ARHGAP4: variants seen among roughly 807,000 people sequenced by gnomAD.
ARHGAP4 encodes the protein Rho GTPase activating protein 4, also known as rho GTPase-activating protein 4.
In ARHGAP4, 25 loss-of-function variants were observed where a neutral mutation model predicts 67.6. That is an observed-to-expected ratio of 0.37 (90% CI 0.27 to 0.52). The LOEUF (loss-of-function observed/expected upper bound fraction) is 0.52, where lower values mean the gene tolerates loss of function less well. Ranked by LOEUF, ARHGAP4 falls within the 20% of genes least tolerant of loss-of-function variation. The pLI, the probability that ARHGAP4 is intolerant of heterozygous loss-of-function variation, is 0.92. For missense variants in ARHGAP4, 804 were observed against 854.6 expected (o/e 0.94, Z 0.74); for synonymous variants, 448 against 373.7 (o/e 1.20, Z -2.29).
chrX:153,911,252 CTTTTTTTT>C, intron 12 of ARHGAP4, 63 bp from the exon 13 acceptor site: 36 of 423,680 alleles, frequency 8.5e-5, no homozygotes, highest in East Asian at 2.1e-4. Flanking sequence ...CATTCAATTG[CTTTTTTTT>C]TTTTTTTTTT....
rs1557105438 is a variant in ARHGAP4, at chrX:153,921,813, T to TG, written c.68-5dup. The TG allele has an allele frequency of 2.8e-5, 33 of 1,181,275 alleles. No individual in the cohort carries two copies. The highest frequency in any genetic ancestry group is 3.4e-5 in the Non-Finnish European group (30 of 882,724). ...TCGCTCAGCTGCCAGCGCATCTCTG[T>TG]GGGGGGAACCATGGCTCAGGCCTGG... is the stretch of plus-strand genomic sequence containing the variant. On this transcript the variant is annotated splice_polypyrimidine_tract_variant and splice_region_variant and intron_variant, in intron 1 of 21. Transcript: ENST00000350060.
rs781940094 is a variant in ARHGAP4, at chrX:153,912,776, T to C, written c.1466A>G (p.Gln489Arg). ...SWTQYTQRKF[Q>R]KSRQPRPSSQ... Reference sequence around the variant, plus strand: ...GCTGGGGCGGGGCTGGCGGCTCTTCTGGAATTTTCTCTGTGTGTACTGGGT... The same window carrying C: ...GCTGGGGCGGGGCTGGCGGCTCTTCCGGAATTTTCTCTGTGTGTACTGGGT... Residue 489 changes from glutamine (Q) to arginine (R), a missense_variant, in exon 12 of 22, where the codon CAG becomes CGG. Gln to Arg is a conservative substitution (Grantham distance 43, BLOSUM62 1). Around this residue, in one of 2 missense-constraint regions of ARHGAP4, gnomAD observed 404 missense variants for 505.9 expected, o/e 0.80. Transcript: ENST00000350060. 6.6e-6 allele frequency: 8 copies of C among 1,209,683 alleles called. No individual in the cohort carries two copies. The highest frequency in any genetic ancestry group is 3.5e-5 in the African/African-American group (2 of 57,400).
intron 5 of ARHGAP4, chrX:153,919,781 A>ATT: frequency 6.4e-6 from 5 of 780,257 alleles, no homozygotes; most frequent in African/African-American, 2.3e-5. Context: ...CTGGCACTCT[A>ATT]TTTTTTTTTT....
rs200880463 is a variant in ARHGAP4 at position 153,909,742 on chromosome X, C to T, written c.2413G>A (p.Gly805Arg). ...IPHKYITLPA[G>R]TEKQVVGAGL... is the part of the protein sequence containing the mutation. ...GGCCTGAGGGCGCGGCTCACTCACC[C>T]GGCGGGCAGCGTGATATACTTGTGG... The change falls in exon 19 of 22, where the codon GGG becomes AGG. Residue 805 changes from glycine (G) to arginine (R), a missense_variant and splice_region_variant. This residue lies in a region of ARHGAP4 where 400 missense variants were observed against 348.7 expected (regional missense o/e 1.15). Coordinates refer to ENST00000350060, the MANE Select transcript of ARHGAP4 (RefSeq NM_001666.5). The T allele has an allele frequency of 9.3e-6, 11 of 1,183,466 alleles. No homozygotes were observed. The highest frequency in any genetic ancestry group is 2.7e-4 in the Middle Eastern group (1 of 3,685).
In ARHGAP4 at chrX:153,909,514, G is replaced by A. The variant is rs61749033; in HGVS notation, c.2436C>T (p.Gly812=). The A allele has an allele frequency of 9.5e-4, 1,145 of 1,207,733 alleles. 5 individuals are homozygous for A. The African/African-American group carries it at 0.016, about 17-fold the overall frequency. ...ACTCCCCTGCAGTCTGCAGCCCTGCGCCCACCACCTGCTTCTCCGTCCTGC... is the reference window on the plus strand; with the variant it reads ...ACTCCCCTGCAGTCTGCAGCCCTGCACCCACCACCTGCTTCTCCGTCCTGC... ...LPAGTEKQVV[G]AGLQTAGESG... The change falls in exon 20 of 22, where the codon GGC becomes GGT. Residue 812 remains glycine (G), a synonymous_variant. Transcript: ENST00000350060.
At chrX:153,926,097 C>T in intron 1 of ARHGAP4, 39 bp downstream of exon 1, 1 of 1,196,016 alleles carries the variant, frequency 8.4e-7, no homozygotes, top group Non-Finnish European at 1.1e-6. Context: ...CTTGGGTTCT[C>T]CGCAGGAAAC....
At chrX:153,914,150 C>T (rs1469389987) in intron 7 of ARHGAP4, 11 of 369,581 alleles carry the variant, frequency 3.0e-5, no homozygotes, top group East Asian at 1.8e-4. Flanking sequence ...GATTCAGCCA[C>T]GAGAAGGAAT....
At chrX:153,925,379 A>AT (rs1557105967) in intron 1 of ARHGAP4, among the ~76,000 whole-genome samples, 2 of 112,081 alleles carry the variant, frequency 1.8e-5, no homozygotes, top group Non-Finnish European at 3.8e-5. Context: ...TGTTTCCGTA[A>AT]TTGGTAAAAT....
Position 153,912,706 on chromosome X carries a change from A to T in ARHGAP4, c.1536T>A (p.Phe512Leu). The T allele has an allele frequency of 8.3e-7, 1 of 1,207,259 alleles. No individual in the cohort carries two copies. The highest frequency in any genetic ancestry group is 1.1e-6 in the Non-Finnish European group (1 of 892,202). ...QRLFGGDMEK[F>L]IQSSGQPVPL... ...TGTGGGGCAAAGCTAGTACCTGGATAAACTTCTCCATGTCTCCCCCAAAGA... is the reference window on the plus strand; with the variant it reads ...TGTGGGGCAAAGCTAGTACCTGGATTAACTTCTCCATGTCTCCCCCAAAGA... The change falls in exon 12 of 22, where the codon TTT becomes TTA. Residue 512 changes from phenylalanine (F) to leucine (L), a missense_variant. Phe to Leu is a conservative substitution (Grantham distance 22). Transcript: ENST00000350060.
Position 153,910,916 on chromosome X carries a change from C to T in ARHGAP4, c.1681+6G>A. 1 of 1,150,945 alleles carries T rather than the reference C, an allele frequency of 8.7e-7. No individual in the cohort carries two copies. Among genetic ancestry groups the T allele is most frequent in the Non-Finnish European group, 1.2e-6 (1 of 866,141 alleles). 94.9% of individuals were successfully genotyped at this position (1,150,945 alleles called of 1,213,427 possible). ...CCCCACCCCCGCCCGCCCTGCCCGT[C>T]CCCACCTCTCTCGAAGGCATCACGG... On this transcript the variant is annotated splice_donor_region_variant and intron_variant, in intron 14 of 21. Transcript: ENST00000350060.
At chrX:153,923,217 C>G (rs1405468797) in intron 1 of ARHGAP4, among the ~76,000 whole-genome samples, 2 of 110,734 alleles carry the variant, frequency 1.8e-5, no homozygotes, top group Non-Finnish European at 3.8e-5. Flanking sequence ...AGCTACTGTG[C>G]TAGTCCAGGC....
intron 7 of ARHGAP4, among the ~76,000 whole-genome samples, chrX:153,915,127 C>A (rs1480956410): frequency 9.1e-6 from 1 of 109,322 alleles, no homozygotes; most frequent in Non-Finnish European, 1.9e-5. Flanking sequence ...AGGAGCCAGT[C>A]ACAGAAAGGC....
chrX:153,918,895 C>T lies in ARHGAP4; in HGVS notation c.969G>A (p.Glu323=), dbSNP rs2148525168. 1 of 1,212,208 alleles carries T rather than the reference C, an allele frequency of 8.2e-7. No individual in the cohort carries two copies. The highest frequency in any genetic ancestry group is 3.0e-5 in the East Asian group (1 of 33,862). ...GGGGACAGAAGACGGTAGCATGCAC[C>T]TCGAGAACCTTGGCTTTGTCCCCTG... ...DPPGDKAKVL[E]VHATVFCPPL... Residue 323 remains glutamate, a synonymous_variant, in exon 7 of 22, where the codon GAG becomes GAA. Coordinates refer to ENST00000350060, the MANE Select transcript of ARHGAP4 (RefSeq NM_001666.5).
rs2065076836 is a variant in ARHGAP4, at chrX:153,919,376, T to A, written c.682-93A>T. 2.5e-6 allele frequency: 3 copies of A among 1,189,372 alleles called. No individual in the cohort carries two copies. The Admixed American group carries it at 6.6e-5, about 26-fold the overall frequency. On this transcript the variant is annotated intron_variant, in intron 5 of 21. Transcript: ENST00000350060. ...TAATGCCCATCGCCTCCCCTCCCAC[T>A]GTGGACAACTACACCTGAACTGGTC...
chrX:153,922,031 G>A, intron 1 of ARHGAP4: 1 of 933,093 alleles, frequency 1.1e-6, no homozygotes, highest in Non-Finnish European at 1.4e-6. Flanking sequence ...CCTCTGCGCT[G>A]AGGCCAACAG....
At chrX:153,916,854 G>C (rs782232495) in intron 7 of ARHGAP4, among the ~76,000 whole-genome samples, 2 of 112,394 alleles carry the variant, frequency 1.8e-5, no homozygotes, top group African/African-American at 6.5e-5. Flanking sequence ...GAGGCAAGCA[G>C]ATCACCTGAA....
intron 1 of ARHGAP4, among the ~76,000 whole-genome samples, chrX:153,924,494 A>G (rs996795258): frequency 8.9e-6 from 1 of 111,761 alleles, no homozygotes; most frequent in African/African-American, 3.3e-5. Context: ...GGCACCGTGC[A>G]CTTTCCTTCC....
At chrX:153,922,823 A>G (rs2148528263) in intron 1 of ARHGAP4, among the ~76,000 whole-genome samples, 1 of 111,814 alleles carries the variant, frequency 8.9e-6, no homozygotes, top group Non-Finnish European at 1.9e-5. Context: ...AAAGGCAAAG[A>G]GGTTTGACCA....
Position 153,910,081 on chromosome X carries a change from C to T in ARHGAP4, c.2161G>A (p.Ala721Thr), listed in dbSNP as rs781890346. 5.8e-6 allele frequency: 7 copies of T among 1,211,302 alleles called. No individual in the cohort carries two copies. Among genetic ancestry groups the T allele is most frequent in the South Asian group, 3.5e-5 (2 of 56,975 alleles). ...TCCGCCCCCAGGCTCTCCAGCTGGG[C>T]GTCCCTGAGGTTCAGGGCAGAGCGA... ...APPSASCLGDAQLESLGADNE... is the reference protein window; with the variant it reads ...APPSASCLGDTQLESLGADNE... Residue 721 changes from alanine (A) to threonine (T), a missense_variant, in exon 18 of 22, where the codon GCC becomes ACC. By Grantham distance (58) the Ala-to-Thr change is moderately conservative. This residue lies in a region of ARHGAP4 where 400 missense variants were observed against 348.7 expected (regional missense o/e 1.15). Transcript: ENST00000350060.
Sources: allele counts gnomAD v4.1 joint callset (sites outside exome capture counted in the v4.1 genomes callset), GRCh38; gene constraint gnomAD v4.1.1; regional missense constraint gnomAD v4.1.1; transcripts MANE v1.5; gene names NCBI Gene and HGNC (gene_info 2026-07-23, HGNC 2026-07-21).